Variants in CEP97 observed in about 807,000 individuals in gnomAD.
CEP97 encodes the protein centrosomal protein of 97 kDa.
A neutral mutation model predicts 73.1 loss-of-function variants in CEP97; 43 were observed. The observed-to-expected ratio is 0.59, with a 90% CI of 0.46 to 0.76. The LOEUF is 0.76. CEP97 is among the 30% of genes least tolerant of loss of function. The pLI is 0.00. For synonymous variants in CEP97, 337 were observed against 370.0 expected, an observed-to-expected ratio of 0.91 and a Z score of 1.02; for missense variants, 939 against 1,014.0, an observed-to-expected ratio of 0.93 and a Z score of 1.00.
At chr3:101,740,421 A>T (rs1938412651) in intron 6 of CEP97, among the ~76,000 whole-genome samples, 1 of 152,170 alleles carries the variant, frequency 6.6e-6, no homozygotes, top group Non-Finnish European at 1.5e-5. Context: ...GATGTAAAGG[A>T]CCTCTTCAAG....
intron 6 of CEP97, among the ~76,000 whole-genome samples, chr3:101,750,748 C>T (rs1260521241): frequency 3.3e-5 from 5 of 152,090 alleles, no homozygotes; most frequent in East Asian, 1.9e-4. Flanking sequence ...TCTGTAGGAT[C>T]GGTGGTGATA....
intron 9 of CEP97, among the ~76,000 whole-genome samples, chr3:101,760,870 A>AT (rs34010359): frequency 6.6e-6 from 1 of 150,966 alleles, no homozygotes; most frequent in African/African-American, 2.4e-5. Context: ...ATCTAAAAAA[A>AT]TTTTTTTTTG....
At chr3:101,742,604 A>C (rs1938490557) in intron 6 of CEP97, among the ~76,000 whole-genome samples, 1 of 152,054 alleles carries the variant, frequency 6.6e-6, no homozygotes, top group Non-Finnish European at 1.5e-5. Context: ...GGGCTAGGGG[A>C]GTGATAGCAT....
chr3:101,755,047 G>T (rs1297683966), intron 6 of CEP97, among the ~76,000 whole-genome samples: 1 of 151,774 alleles, frequency 6.6e-6, no homozygotes, highest in East Asian at 1.9e-4. Context: ...ATGCCACCAT[G>T]CCCGGCTAGT....
At chr3:101,746,177 C>G (rs533630014) in intron 6 of CEP97, among the ~76,000 whole-genome samples, 1 of 152,162 alleles carries the variant, frequency 6.6e-6, no homozygotes, top group Non-Finnish European at 1.5e-5. Flanking sequence ...TGGGTTGGTT[C>G]CAAGTCTTTG....
Position 101,765,587 on chromosome 3 carries a change from T to A in CEP97, c.*36T>A, listed in dbSNP as rs765056137. The A allele has an allele frequency of 5.9e-6, 9 of 1,524,886 alleles. No individual in the cohort carries two copies. The highest frequency in any genetic ancestry group is 6.2e-6 in the Non-Finnish European group (7 of 1,130,716). The allele number at this position is 1,524,886 out of a possible 1,614,324, so 94.5% of individuals were successfully genotyped here. ...GGGAGGCAGATATCCACTTAACTTTTCTTAAAAATACTTTCAGTTGCCTTT... is the reference window on the plus strand; with the variant it reads ...GGGAGGCAGATATCCACTTAACTTTACTTAAAAATACTTTCAGTTGCCTTT... On this transcript the variant is annotated 3_prime_UTR_variant, in exon 11 of 11. Coordinates refer to ENST00000341893, the MANE Select transcript of CEP97 (RefSeq NM_024548.4).
At chr3:101,741,861 GA>G (rs1192692772) in intron 6 of CEP97, among the ~76,000 whole-genome samples, 1 of 152,010 alleles carries the variant, frequency 6.6e-6, no homozygotes, top group Non-Finnish European at 1.5e-5. Context: ...CCAACATGGT[GA>G]AACCCCATCT....
intron 6 of CEP97, among the ~76,000 whole-genome samples, chr3:101,747,390 G>C (rs1385354161): frequency 1.3e-5 from 2 of 150,746 alleles, no homozygotes; most frequent in Non-Finnish European, 2.9e-5. Flanking sequence ...CTCCCGAGTA[G>C]CTGGGACTAT....
chr3:101,730,574 A>ATTTT (rs11293857), intron 4 of CEP97, among the ~76,000 whole-genome samples: 1 of 144,488 alleles, frequency 6.9e-6, no homozygotes. Context: ...CCAAGTCTGG[A>ATTTT]TTTTTTTTTT....
rs567074117 is a variant in CEP97, at chr3:101,733,626, G to A, written c.728+972G>A. 9.6e-3 allele frequency among the ~76,000 whole-genome samples: 1,450 copies of A among 151,168 alleles called. 21 individuals carry two copies. The highest frequency in any genetic ancestry group is 0.033 in the African/African-American group (1,375 of 41,336). On this transcript the variant is annotated intron_variant, in intron 6 of 10. Transcript: ENST00000341893. Reference sequence around the variant, plus strand: ...GCTCACTGCAAGCTCCGCCTCCCGGGTTCACGCCATTCTCCTGCCTCAGCC... The same window carrying A: ...GCTCACTGCAAGCTCCGCCTCCCGGATTCACGCCATTCTCCTGCCTCAGCC...
rs1331946257 is a variant in CEP97 at position 101,765,506 on chromosome 3, A to C, written c.2553A>C (p.Glu851Asp). Residue 851 changes from glutamate (E) to aspartate (D), a missense_variant, in exon 11 of 11, where the codon GAA becomes GAC. Transcript: ENST00000341893. ...LNAEVQGQQP[E>D]CDSTFQLLHV... ...CAGAAGTTCAGGGGCAGCAGCCAGA[A>C]TGTGATTCTACATTTCAGCTATTGC... 1 of 1,613,776 alleles carries C rather than the reference A, an allele frequency of 6.2e-7. No homozygotes were observed. The highest frequency in any genetic ancestry group is 2.2e-5 in the East Asian group (1 of 44,882).
chr3:101,761,100 C>T (rs137980313), intron 9 of CEP97, among the ~76,000 whole-genome samples: 2,186 of 152,152 alleles, frequency 0.014, 61 homozygotes, highest in South Asian at 0.12. Context: ...CTCCTGACCT[C>T]AGGTGATCCT....
chr3:101,754,365 C>T (rs531529416), intron 6 of CEP97, among the ~76,000 whole-genome samples: 7 of 152,104 alleles, frequency 4.6e-5, no homozygotes, highest in Admixed American at 2.6e-4. Context: ...ACCAAGTGCC[C>T]TAATATCAGA....
In CEP97 at chr3:101,766,292, C is replaced by G. The variant is rs1282381938; in HGVS notation, c.*741C>G. The G allele has an allele frequency of 6.6e-6, 1 of 152,412 alleles. No individual in the cohort carries two copies. Among genetic ancestry groups the G allele is most frequent in the Non-Finnish European group, 1.5e-5 (1 of 68,028 alleles). 9.4% of individuals were successfully genotyped at this position (152,412 alleles called of 1,614,324 possible). A position where few individuals can be genotyped will look rare whatever the true frequency, so the allele number is the denominator to read the frequency against. ...AGATATGAAGAAAGGAAACACTAGT[C>G]TCCATTCACTTGAAATACTCTCATG... On this transcript the variant is annotated 3_prime_UTR_variant, in exon 11 of 11. Coordinates refer to ENST00000341893, the MANE Select transcript of CEP97 (RefSeq NM_024548.4).
At chr3:101,729,770 T>C (rs1938033478) in intron 4 of CEP97, among the ~76,000 whole-genome samples, 1 of 151,770 alleles carries the variant, frequency 6.6e-6, no homozygotes, top group South Asian at 2.1e-4. Flanking sequence ...TGAGATCTTT[T>C]TCTTTTCTTT....
intron 9 of CEP97, among the ~76,000 whole-genome samples, chr3:101,760,233 A>C (rs187159863): frequency 9.2e-5 from 14 of 152,268 alleles, no homozygotes; most frequent in Admixed American, 7.9e-4. Context: ...TCAACACCTG[A>C]AAATGAGGAG....
At chr3:101,737,467 C>T (rs762015752) in intron 6 of CEP97, among the ~76,000 whole-genome samples, 5 of 152,174 alleles carry the variant, frequency 3.3e-5, no homozygotes, top group Non-Finnish European at 5.9e-5. Flanking sequence ...CAAAGGGAAG[C>T]CCATCAGACT....
At chr3:101,753,520 A>C (rs1938904963) in intron 6 of CEP97, among the ~76,000 whole-genome samples, 1 of 152,224 alleles carries the variant, frequency 6.6e-6, no homozygotes, top group Non-Finnish European at 1.5e-5. Context: ...GAGCCTACAG[A>C]GGCAGGCAGG....
chr3:101,732,330 A>G (rs1938138444), intron 5 of CEP97, among the ~76,000 whole-genome samples, 158 bp from the exon 6 acceptor site: 1 of 152,208 alleles, frequency 6.6e-6, no homozygotes, highest in African/African-American at 2.4e-5. Context: ...AGATGGCTAT[A>G]TTGTTGAAAC....
Sources: allele counts gnomAD v4.1 joint callset (sites outside exome capture counted in the v4.1 genomes callset), GRCh38; gene constraint gnomAD v4.1.1; transcripts MANE v1.5; gene names NCBI Gene and HGNC (gene_info 2026-07-23, HGNC 2026-07-21).